PCDHGB1: variants seen among roughly 807,000 people sequenced by gnomAD.
PCDHGB1 encodes the protein protocadherin gamma-B1.
PCDHGB1 carries 34 observed loss-of-function variants against 56.6 expected under a neutral mutation model. The ratio of observed to expected loss-of-function variants is 0.60; its 90% confidence interval spans 0.46 to 0.80. The LOEUF (loss-of-function observed/expected upper bound fraction) is 0.80. Among genes scored for constraint, PCDHGB1 ranks in the 30% least tolerant of loss-of-function variants. The pLI, the probability that PCDHGB1 is intolerant of heterozygous loss-of-function variation, is 0.00. For missense variants in PCDHGB1, 1,278 were observed against 1,204.6 expected, an observed-to-expected ratio of 1.06 and a Z score of -0.90; for synonymous variants, 561 against 505.9, an observed-to-expected ratio of 1.11 and a Z score of -1.46.
chr5:141,355,388 G>A (rs775462698), intron 1 of PCDHGB1: 41 of 1,613,938 alleles, frequency 2.5e-5, no homozygotes, highest in South Asian at 5.5e-5. Context: ...GCGGAGCGCG[G>A]AGTCCGCATC....
chr5:141,455,104 G>A (rs2098813087), intron 1 of PCDHGB1, among the ~76,000 whole-genome samples: 1 of 151,888 alleles, frequency 6.6e-6, no homozygotes, highest in East Asian at 1.9e-4. Flanking sequence ...GAGCCACTGC[G>A]CCCGGTGGGT....
At chr5:141,371,709 A>G in intron 1 of PCDHGB1, 1 of 1,613,916 alleles carries the variant, frequency 6.2e-7, no homozygotes, top group East Asian at 2.2e-5. Context: ...CAAGACCATC[A>G]CTCTGCACAT....
chr5:141,394,347 G>A lies in PCDHGB1; in HGVS notation c.2409+41678G>A, dbSNP rs770737407. 1.9e-6 allele frequency: 3 copies of A among 1,614,118 alleles called. No homozygotes were observed. The South Asian group carries it at 3.3e-5, about 18-fold the overall frequency. On this transcript the variant is annotated intron_variant, in intron 1 of 3. Coordinates refer to ENST00000523390, the MANE Select transcript of PCDHGB1 (RefSeq NM_018922.3). ...GTATATCTCCATCAACTCTGACACC[G>A]GTGTCCTGTATGCGCTGCAATCTTT...
chr5:141,359,948 A>C, intron 1 of PCDHGB1: 1 of 539,450 alleles, frequency 1.9e-6, no homozygotes, highest in Non-Finnish European at 3.0e-6. Context: ...GCTGTTGGTC[A>C]AAAGAACGAA....
chr5:141,389,590 G>C (rs1409328445), intron 1 of PCDHGB1: 1 of 1,613,014 alleles, frequency 6.2e-7, no homozygotes, highest in Non-Finnish European at 8.5e-7. Context: ...GGTCCCGACG[G>C]CTCTGCGCTC....
Position 141,361,957 on chromosome 5 carries a change from G to C in PCDHGB1, c.2409+9288G>C, listed in dbSNP as rs976081209. On this transcript the variant is annotated intron_variant, in intron 1 of 3. Transcript: ENST00000523390. The stretch of plus-strand genomic sequence containing the variant: ...ACACAACGCTTGGCTGTCCTACCAC[G>C]TGCTGCAGGCCAGCGAGCCCGGGCT... 1.0e-5 allele frequency: 16 copies of C among 1,603,004 alleles called. No individual in the cohort carries two copies. In the Admixed American group the frequency reaches 1.8e-4, roughly 19 times the overall value.
At chr5:141,409,933 GGT>G in intron 1 of PCDHGB1, 1 of 1,613,354 alleles carries the variant, frequency 6.2e-7, no homozygotes, top group East Asian at 2.2e-5. Flanking sequence ...TCTTCGATAT[GGT>G]ACCTCGCTCT....
At chr5:141,508,760 T>A (rs1004267844) in intron 3 of PCDHGB1, among the ~76,000 whole-genome samples, 17 of 151,522 alleles carry the variant, frequency 1.1e-4, no homozygotes, top group Admixed American at 1.1e-3. Flanking sequence ...CTCTGGCGCC[T>A]CTGAGGTCCC....
intron 3 of PCDHGB1, among the ~76,000 whole-genome samples, chr5:141,507,809 C>T (rs866898784): frequency 2.0e-5 from 3 of 152,206 alleles, no homozygotes; most frequent in Non-Finnish European, 2.9e-5. Flanking sequence ...CCCTGGGGAA[C>T]GGACCCTGGG....
intron 1 of PCDHGB1, chr5:141,395,088 C>T (rs778953049): frequency 4.3e-6 from 7 of 1,614,194 alleles, no homozygotes; most frequent in African/African-American, 1.3e-5. Flanking sequence ...GGAAGTCTCC[C>T]TCACCGCCGA....
rs1245731818 is a variant in PCDHGB1, at chr5:141,476,700, A to C, written c.2410-18107A>C. 1 of 1,614,096 alleles carries C rather than the reference A, an allele frequency of 6.2e-7. No homozygotes were observed. Among genetic ancestry groups the C allele is most frequent in the Non-Finnish European group, 8.5e-7 (1 of 1,180,016 alleles). On this transcript the variant is annotated intron_variant, in intron 1 of 3. Coordinates refer to ENST00000523390, the MANE Select transcript of PCDHGB1 (RefSeq NM_018922.3). This position sits in a 1 kb window ranked among gnomAD's most constrained non-coding sequence, Gnocchi z 7.6. Reference sequence around the variant, plus strand: ...CGGGAGGACAGCACCAAGTACGCGGAGCTGGTGTTGGAGCGCGCCCTGGAC... The same window carrying C: ...CGGGAGGACAGCACCAAGTACGCGGCGCTGGTGTTGGAGCGCGCCCTGGAC...
At chr5:141,393,056 C>G in intron 1 of PCDHGB1, 2 of 1,613,606 alleles carry the variant, frequency 1.2e-6, no homozygotes, top group South Asian at 1.1e-5. Context: ...ACCCGCGCAG[C>G]GGCAGCTTGA....
At chr5:141,423,980 G>A (rs2154550577) in intron 1 of PCDHGB1, 1 of 1,110,878 alleles carries the variant, frequency 9.0e-7, no homozygotes, top group South Asian at 4.5e-5. Flanking sequence ...AGTGTATGAG[G>A]CTCTCAATTT....
At chr5:141,497,203 G>A (rs750138875) in intron 2 of PCDHGB1, among the ~76,000 whole-genome samples, 25 of 91,718 alleles carry the variant, frequency 2.7e-4, no homozygotes, top group Non-Finnish European at 4.9e-4. Flanking sequence ...AACAATGTGA[G>A]TGTAATGGGG....
intron 1 of PCDHGB1, chr5:141,366,690 A>T: frequency 6.2e-7 from 1 of 1,614,252 alleles, no homozygotes; most frequent in Non-Finnish European, 8.5e-7. Context: ...AGCTGTGAGA[A>T]AAGCGAGCCT....
rs2094361083 is a variant in PCDHGB1 at position 141,403,148 on chromosome 5, A to T, written c.2409+50479A>T. The T allele has an allele frequency of 2.5e-6, 4 of 1,614,050 alleles. No homozygotes were observed. The South Asian group carries it at 4.4e-5, about 18-fold the overall frequency. On this transcript the variant is annotated intron_variant, in intron 1 of 3. Coordinates refer to ENST00000523390, the MANE Select transcript of PCDHGB1 (RefSeq NM_018922.3). ...GGAGCTGGCGGAGCGCCGAGTCCGC[A>T]TCGTCTCTAGAGGTAGGACGCAGCT...
intron 1 of PCDHGB1, chr5:141,398,820 G>T (rs1376527266): frequency 1.2e-6 from 2 of 1,613,854 alleles, no homozygotes; most frequent in African/African-American, 2.7e-5. Flanking sequence ...TCCGGATCCA[G>T]GTAACCGACG....
intron 2 of PCDHGB1, among the ~76,000 whole-genome samples, chr5:141,502,827 A>G (rs1003204508): frequency 2.7e-5 from 4 of 150,478 alleles, no homozygotes; most frequent in African/African-American, 9.8e-5. Flanking sequence ...TCCTTGGGGA[A>G]GCCTGGACTG....
chr5:141,382,896 G>A (rs754850386), intron 1 of PCDHGB1: 5 of 1,537,678 alleles, frequency 3.3e-6, no homozygotes, highest in Admixed American at 2.1e-5. Context: ...GAAGCAGGAC[G>A]ACTATGGCGG....
Sources: gnomAD v4.1 joint callset for allele counts (sites outside exome capture counted in the v4.1 genomes callset) on GRCh38, gnomAD v4.1.1 for gene constraint, Gnocchi (gnomAD v3.1) non-coding constraint, MANE v1.5 for transcripts, NCBI Gene and HGNC (gene_info 2026-07-23, HGNC 2026-07-21) for gene names.